Variants in ADCY8 observed in about 807,000 individuals in gnomAD.
ADCY8 encodes adenylate cyclase type 8.
Under a neutral mutation model 119.7 loss-of-function variants are expected in ADCY8, and 51 were observed. That is an observed-to-expected ratio of 0.43 (90% CI 0.34 to 0.54). The LOEUF (loss-of-function observed/expected upper bound fraction) is 0.54, where lower values mean the gene tolerates loss of function less well. Ranked by LOEUF, ADCY8 falls within the 20% of genes least tolerant of loss-of-function variation. The pLI is 0.03. For synonymous variants in ADCY8, 665 were observed against 651.0 expected (o/e 1.02, Z -0.33); for missense variants, 1,383 against 1,598.8 (o/e 0.87, Z 2.30).
At chr8:130,814,248 A>G in intron 13 of ADCY8, 21 bp from the exon 14 acceptor site, 1 of 1,612,812 alleles carries the variant, frequency 6.2e-7, no homozygotes. Flanking sequence ...TGTGAGAGAA[A>G]GAGGAGAATG....
intron 1 of ADCY8, among the ~76,000 whole-genome samples, chr8:131,024,502 G>C (rs1823766436): frequency 6.6e-6 from 1 of 152,184 alleles, no homozygotes. Context: ...TCGGGCTCCA[G>C]GTTGTGACTA....
chr8:130,853,576 TG>T (rs1350771895), intron 9 of ADCY8, among the ~76,000 whole-genome samples: 6 of 62,318 alleles, frequency 9.6e-5, no homozygotes, highest in Non-Finnish European at 2.4e-4. Flanking sequence ...GTAAAATTGA[TG>T]TTTTTTTTTT....
At chr8:130,896,630 A>C (rs1819399764) in intron 7 of ADCY8, among the ~76,000 whole-genome samples, 1 of 152,200 alleles carries the variant, frequency 6.6e-6, no homozygotes, top group Non-Finnish European at 1.5e-5. Context: ...GTTTATCTAC[A>C]TAAAATCATA....
At chr8:130,792,845 T>C (rs1457930499) in intron 15 of ADCY8, among the ~76,000 whole-genome samples, 3 of 152,150 alleles carry the variant, frequency 2.0e-5, no homozygotes, top group Non-Finnish European at 2.9e-5. Flanking sequence ...TCCCCATCAG[T>C]CTCAGAGTAA....
At chr8:130,944,731 G>C (rs1422099427) in intron 3 of ADCY8, among the ~76,000 whole-genome samples, 2 of 152,140 alleles carry the variant, frequency 1.3e-5, no homozygotes, top group Admixed American at 1.3e-4. Context: ...GAAATCATTA[G>C]GAATCCTTAG....
intron 5 of ADCY8, among the ~76,000 whole-genome samples, chr8:130,936,701 A>G (rs543957570): frequency 3.3e-5 from 5 of 152,180 alleles, no homozygotes; most frequent in Non-Finnish European, 7.3e-5. Flanking sequence ...GATTTGATTT[A>G]TCACAAAGCT....
rs139026218 is a variant in ADCY8 at position 131,024,297 on chromosome 8, C to T, written c.960+15077G>A. Among the ~76,000 whole-genome samples, 1,248 of 151,622 alleles carry T rather than the reference C, an allele frequency of 8.2e-3. 6 individuals carry two copies. Among genetic ancestry groups the T allele is most frequent in the Non-Finnish European group, 0.012 (788 of 68,014 alleles). ...TTAATAATAATAATAATAATACAGCCCAGTGTTTGTTTACTGCTGTATATT... is the reference window on the plus strand; with the variant it reads ...TTAATAATAATAATAATAATACAGCTCAGTGTTTGTTTACTGCTGTATATT... On this transcript the variant is annotated intron_variant, in intron 1 of 17. Transcript: ENST00000286355.
intron 8 of ADCY8, among the ~76,000 whole-genome samples, chr8:130,872,669 C>A (rs964725184): frequency 6.6e-6 from 1 of 152,166 alleles, no homozygotes; most frequent in Non-Finnish European, 1.5e-5. Flanking sequence ...ATGAATGGAT[C>A]CTCATCACAA....
chr8:130,885,700 T>C (rs1818957437), intron 7 of ADCY8, among the ~76,000 whole-genome samples: 1 of 151,652 alleles, frequency 6.6e-6, no homozygotes. Flanking sequence ...AAGGGATATA[T>C]AGGGACAAGG....
chr8:130,813,051 G>A (rs751170741), intron 14 of ADCY8, among the ~76,000 whole-genome samples: 2 of 150,904 alleles, frequency 1.3e-5, no homozygotes, highest in Non-Finnish European at 2.9e-5. Context: ...AGGTTCAAAC[G>A]ATACTCCTGC....
At chr8:130,915,746 G>A (rs1289132131) in intron 5 of ADCY8, among the ~76,000 whole-genome samples, 1 of 152,172 alleles carries the variant, frequency 6.6e-6, no homozygotes, top group East Asian at 1.9e-4. Context: ...CCAATAAAAT[G>A]ATGAATTGAT....
chr8:130,998,159 A>T (rs1330407643), intron 1 of ADCY8, among the ~76,000 whole-genome samples: 2 of 152,162 alleles, frequency 1.3e-5, no homozygotes, highest in African/African-American at 4.8e-5. Context: ...AGGAATATTT[A>T]ACACATGGTG....
At chr8:130,941,717 T>C (rs80270850) in intron 4 of ADCY8, among the ~76,000 whole-genome samples, 3,300 of 152,264 alleles carry the variant, frequency 0.022, 76 homozygotes, top group South Asian at 0.079. Flanking sequence ...CTAAGGTTGC[T>C]TGACAAGTCC....
intron 1 of ADCY8, among the ~76,000 whole-genome samples, chr8:131,017,522 T>A (rs1209170746): frequency 6.6e-6 from 1 of 152,162 alleles, no homozygotes; most frequent in Non-Finnish European, 1.5e-5. Context: ...ACATAACTAC[T>A]CTTTATGGTA....
chr8:130,854,023 G>A (rs1390487193), intron 9 of ADCY8, among the ~76,000 whole-genome samples: 1 of 152,128 alleles, frequency 6.6e-6, no homozygotes, highest in African/African-American at 2.4e-5. Flanking sequence ...GAAACCAAAA[G>A]CACTTTAAAG....
chr8:130,919,292 A>C (rs1820228525), intron 5 of ADCY8, among the ~76,000 whole-genome samples: 1 of 151,824 alleles, frequency 6.6e-6, no homozygotes, highest in Non-Finnish European at 1.5e-5. Context: ...TGCATTATTT[A>C]ACTCACACTC....
At chr8:130,906,343 T>C (rs1011422369) in intron 6 of ADCY8, among the ~76,000 whole-genome samples, 1 of 152,236 alleles carries the variant, frequency 6.6e-6, no homozygotes, top group Non-Finnish European at 1.5e-5. Flanking sequence ...TAAAGTACCA[T>C]GGTTGATTTT....
chr8:131,032,698 C>G (rs879499510), intron 1 of ADCY8, among the ~76,000 whole-genome samples: 5 of 152,166 alleles, frequency 3.3e-5, no homozygotes, highest in Non-Finnish European at 5.9e-5. Flanking sequence ...GAAAATCTGG[C>G]TTCCGAAGCA....
At chr8:130,935,700 C>T (rs1343864304) in intron 5 of ADCY8, among the ~76,000 whole-genome samples, 2 of 152,238 alleles carry the variant, frequency 1.3e-5, no homozygotes, top group African/African-American at 4.8e-5. Flanking sequence ...CATTTAGAGG[C>T]TGTACGCCTA....
Sources: gnomAD v4.1 joint callset for allele counts (sites outside exome capture counted in the v4.1 genomes callset) on GRCh38, gnomAD v4.1.1 for gene constraint, MANE v1.5 for transcripts, NCBI Gene and HGNC (gene_info 2026-07-23, HGNC 2026-07-21) for gene names.